Variants in PRKRIP1 observed in about 807,000 individuals in gnomAD.
PRKRIP1 encodes the protein PRKR-interacting protein 1.
PRKRIP1 carries 29 observed loss-of-function variants against 29.3 expected under a neutral mutation model. The observed-to-expected ratio is 0.99, with a 90% CI of 0.74 to 1.35. The LOEUF (loss-of-function observed/expected upper bound fraction) is 1.35. Ranked by LOEUF, PRKRIP1 falls within the 40% of genes most tolerant of loss-of-function variation. The probability of loss-of-function intolerance (pLI) is 0.00; values close to 1 mark genes in which losing one functional copy is unlikely to be tolerated. For synonymous variants in PRKRIP1, 90 were observed against 85.1 expected (o/e 1.06, Z -0.32); for missense variants, 247 against 236.8 (o/e 1.04, Z -0.28).
chr7:102,421,541 G>C (rs1554573747), intron 5 of PRKRIP1, among the ~76,000 whole-genome samples: 1 of 152,186 alleles, frequency 6.6e-6, no homozygotes, highest in Non-Finnish European at 1.5e-5. Flanking sequence ...GTTCACGCCT[G>C]TAATCCCAGC....
chr7:102,421,346 C>A (rs1796686853), intron 5 of PRKRIP1, among the ~76,000 whole-genome samples: 1 of 149,092 alleles, frequency 6.7e-6, no homozygotes, highest in Admixed American at 6.7e-5. Context: ...GAGTTCGAGA[C>A]CAGCCTGGGC....
chr7:102,417,162 G>A lies in PRKRIP1; in HGVS notation c.458-7852G>A, dbSNP rs117887018. On this transcript the variant is annotated intron_variant, in intron 5 of 5. Coordinates refer to ENST00000397912, the MANE Select transcript of PRKRIP1 (RefSeq NM_024653.4). ...GAGCCACCACACCTGGCTAATTTTG[G>A]TATTTTTTCTGGAGATGGGGTCTCA... Among the ~76,000 whole-genome samples, 1,078 of 151,568 alleles carry A rather than the reference G, an allele frequency of 7.1e-3. 7 individuals are homozygous for A. Among genetic ancestry groups the A allele is most frequent in the South Asian group, 0.017 (82 of 4,790 alleles).
chr7:102,412,197 A>T (rs1327582782), intron 5 of PRKRIP1, among the ~76,000 whole-genome samples: 2 of 152,066 alleles, frequency 1.3e-5, no homozygotes, highest in Non-Finnish European at 2.9e-5. Context: ...AATGGTTAAT[A>T]CCCCATGATT....
At chr7:102,417,669 A>G (rs1190822660) in intron 5 of PRKRIP1, among the ~76,000 whole-genome samples, 1 of 129,538 alleles carries the variant, frequency 7.7e-6, no homozygotes, top group Non-Finnish European at 1.5e-5. Flanking sequence ...CCTAGGCTGG[A>G]GTGCAGTGGC....
At chr7:102,397,538 C>T in intron 1 of PRKRIP1, 82 bp from the exon 2 acceptor site, 2 of 1,131,768 alleles carry the variant, frequency 1.8e-6, no homozygotes, top group East Asian at 2.4e-5. Context: ...AGAGCAAGAA[C>T]CTGTCTCTAA....
chr7:102,423,436 A>G lies in PRKRIP1; in HGVS notation c.458-1578A>G, dbSNP rs1436339832. On this transcript the variant is annotated intron_variant, in intron 5 of 5. Coordinates refer to ENST00000397912, the MANE Select transcript of PRKRIP1 (RefSeq NM_024653.4). ...GCGCCTTATACGATTTCTGCAGACA[A>G]CATAGGCAGAGGCTGAGAGAGTCAG... 2.7e-5 allele frequency: 8 copies of G among 291,580 alleles called. No homozygotes were observed. The East Asian group carries it at 7.2e-4, about 26-fold the overall frequency. The allele number at this position is 291,580 out of a possible 1,614,324, so 18.1% of individuals were successfully genotyped here. A position where few individuals can be genotyped will look rare whatever the true frequency, so the allele number is the denominator to read the frequency against.
At chr7:102,423,422 G>A (rs113243875) in intron 5 of PRKRIP1, 4,224 of 297,748 alleles carry the variant, frequency 0.014, 74 homozygotes, top group Admixed American at 0.04. Context: ...CGCCTTATAC[G>A]ATTTCTGCAG....
At chr7:102,402,100 TA>T (rs1554571232) in intron 3 of PRKRIP1, among the ~76,000 whole-genome samples, 2 of 152,212 alleles carry the variant, frequency 1.3e-5, no homozygotes, top group African/African-American at 4.8e-5. Context: ...CACAAAATTC[TA>T]CCAGGTCACT....
chr7:102,419,423 T>C (rs1354173577), intron 5 of PRKRIP1, among the ~76,000 whole-genome samples: 28 of 151,966 alleles, frequency 1.8e-4, no homozygotes, highest in African/African-American at 6.8e-4. Context: ...AAAAAAAAAA[T>C]AGCATAATTA....
At chr7:102,418,561 C>A (rs1554573400) in intron 5 of PRKRIP1, among the ~76,000 whole-genome samples, 1 of 152,138 alleles carries the variant, frequency 6.6e-6, no homozygotes, top group South Asian at 2.1e-4. Flanking sequence ...AACATGAGTT[C>A]ATACTGATGT....
chr7:102,397,770 G>A lies in PRKRIP1; in HGVS notation c.205+72G>A, dbSNP rs537924121. 18 of 1,461,734 alleles carry A rather than the reference G, an allele frequency of 1.2e-5. No homozygotes were observed. The South Asian group carries it at 1.7e-4, about 13-fold the overall frequency. The allele number at this position is 1,461,734 out of a possible 1,614,324, so 90.5% of individuals were successfully genotyped here. ...ATTTTTTAAGGTAGCTATAGGCTGG[G>A]CGTGGTGGCTCATGCCTCTAATCCC... On this transcript the variant is annotated intron_variant, in intron 2 of 5. Coordinates refer to ENST00000397912, the MANE Select transcript of PRKRIP1 (RefSeq NM_024653.4).
intron 3 of PRKRIP1, among the ~76,000 whole-genome samples, chr7:102,403,601 A>T (rs1412841359): frequency 6.6e-6 from 1 of 152,164 alleles, no homozygotes; most frequent in African/African-American, 2.4e-5. Context: ...GGTTCAAGTG[A>T]TTCTCCTGTC....
At chr7:102,424,219 G>C (rs974266255) in intron 5 of PRKRIP1, among the ~76,000 whole-genome samples, 18 of 152,262 alleles carry the variant, frequency 1.2e-4, no homozygotes, top group South Asian at 2.1e-4. Context: ...CTCAGGGTCT[G>C]TAGTGGGCGT....
At chr7:102,397,191 G>A (rs1345793225) in intron 1 of PRKRIP1, among the ~76,000 whole-genome samples, 1 of 152,152 alleles carries the variant, frequency 6.6e-6, no homozygotes, top group Non-Finnish European at 1.5e-5. Context: ...AATCAGCTCT[G>A]TGTCCAAGTA....
intron 5 of PRKRIP1, among the ~76,000 whole-genome samples, chr7:102,410,439 T>C (rs1322659991): frequency 6.6e-6 from 1 of 152,180 alleles, no homozygotes; most frequent in African/African-American, 2.4e-5. Flanking sequence ...AGACAAGCCT[T>C]GCAGGTAGAC....
At position 102,425,698 on chromosome 7, in the gene PRKRIP1, C is replaced by T. The variant is rs76058261; in HGVS notation, c.*587C>T. 3.8e-3 allele frequency: 669 copies of T among 177,764 alleles called. 13 individuals carry two copies. The East Asian group carries it at 0.046, about 12-fold the overall frequency. The allele number at this position is 177,764 out of a possible 1,614,324, so 11.0% of individuals were successfully genotyped here. A position where few individuals can be genotyped will look rare whatever the true frequency, so the allele number is the denominator to read the frequency against. On this transcript the variant is annotated 3_prime_UTR_variant, in exon 6 of 6. Transcript: ENST00000397912. ...TGTTCTGGGAAGGCCTGGGTGTGTG[C>T]ACAAGGAGGCCCGGGCCAGGGACTT...
At chr7:102,410,312 G>C (rs1796347654) in intron 5 of PRKRIP1, among the ~76,000 whole-genome samples, 1 of 152,164 alleles carries the variant, frequency 6.6e-6, no homozygotes, top group Non-Finnish European at 1.5e-5. Context: ...AATCGTTACT[G>C]CTGTCTTGGT....
Position 102,425,906 on chromosome 7 carries a change from G to A in PRKRIP1, c.*795G>A, listed in dbSNP as rs143234311. The A allele has an allele frequency of 7.9e-3, 1,209 of 153,714 alleles. 9 individuals are homozygous for A. The highest frequency in any genetic ancestry group is 0.012 in the Non-Finnish European group (820 of 68,478). The allele number at this position is 153,714 out of a possible 1,614,324, so 9.5% of individuals were successfully genotyped here. A position where few individuals can be genotyped will look rare whatever the true frequency, so the allele number is the denominator to read the frequency against. ...TGTGATTTCATCCCGAAGTGGAAGG[G>A]GGTCTAAACAGAACAGGCTGAGAGA... On this transcript the variant is annotated 3_prime_UTR_variant, in exon 6 of 6. Transcript: ENST00000397912.
chr7:102,414,367 A>G (rs1796475822), intron 5 of PRKRIP1, among the ~76,000 whole-genome samples: 1 of 152,214 alleles, frequency 6.6e-6, no homozygotes, highest in Non-Finnish European at 1.5e-5. Context: ...CTACAATTAT[A>G]GGAAGTTTTC....
Sources: gnomAD v4.1 joint callset for allele counts (sites outside exome capture counted in the v4.1 genomes callset) on GRCh38, gnomAD v4.1.1 for gene constraint, MANE v1.5 for transcripts, NCBI Gene and HGNC (gene_info 2026-07-23, HGNC 2026-07-21) for gene names.